CSF1R: variants seen among roughly 807,000 people sequenced by gnomAD.
CSF1R encodes the protein colony stimulating factor 1 receptor, also known as macrophage colony-stimulating factor 1 receptor.
In CSF1R, 40 loss-of-function variants were observed where a neutral mutation model predicts 110.0. The observed-to-expected ratio is 0.36, with a 90% CI of 0.28 to 0.47. CSF1R has a LOEUF of 0.47. Among genes scored for constraint, CSF1R ranks in the 20% least tolerant of loss-of-function variants. The probability of loss-of-function intolerance (pLI) is 0.99; values close to 1 mark genes in which losing one functional copy is unlikely to be tolerated. For synonymous variants in CSF1R, 523 were observed against 503.4 expected, an observed-to-expected ratio of 1.04 and a Z score of -0.52; for missense variants, 1,052 against 1,253.0, an observed-to-expected ratio of 0.84 and a Z score of 2.42.
intron 10 of CSF1R, among the ~76,000 whole-genome samples, chr5:150,066,214 G>A (rs957845558): frequency 8.5e-5 from 13 of 152,288 alleles, no homozygotes; most frequent in Admixed American, 7.8e-4. Context: ...ACAAGAGTGT[G>A]CAGCTCCCAT....
At chr5:150,066,592 T>C (rs547605097) in intron 10 of CSF1R, among the ~76,000 whole-genome samples, 1 of 152,310 alleles carries the variant, frequency 6.6e-6, no homozygotes, top group African/African-American at 2.4e-5. Context: ...TCCGGAGGTA[T>C]TGACCGGGGC....
chr5:150,080,708 GC>G (rs1758497761), intron 2 of CSF1R, 58 bp downstream of exon 2: 1 of 1,596,532 alleles, frequency 6.3e-7, no homozygotes, highest in Admixed American at 1.7e-5. Context: ...TAATTTTAGG[GC>G]CCATTGTAGT....
chr5:150,093,228 G>A (rs565000962), intron 1 of CSF1R, among the ~76,000 whole-genome samples: 245 of 152,188 alleles, frequency 1.6e-3, no homozygotes, highest in African/African-American at 5.7e-3. Context: ...ACAGACACCT[G>A]CCACCGTGTC....
chr5:150,086,805 TAGTC>T (rs1216994063), upstream of CSF1R, among the ~76,000 whole-genome samples: 2 of 152,130 alleles, frequency 1.3e-5, no homozygotes, highest in Non-Finnish European at 2.9e-5. Flanking sequence ...GCCAGACCGT[TAGTC>T]AGTAGCACAA....
intron 5 of CSF1R, among the ~76,000 whole-genome samples, chr5:150,075,541 A>G (rs1252310198): frequency 1.3e-5 from 2 of 152,260 alleles, no homozygotes; most frequent in Non-Finnish European, 2.9e-5. Flanking sequence ...TTGCTCAAAT[A>G]TCAGCTTTCT....
intron 10 of CSF1R, among the ~76,000 whole-genome samples, chr5:150,067,730 C>T (rs1757835605): frequency 6.6e-6 from 1 of 152,212 alleles, no homozygotes; most frequent in Admixed American, 6.5e-5. Context: ...TATCCATTTC[C>T]TCTGCCCCGT....
chr5:150,061,630 ACCAAAGGGCCTCTGTCCAAGGG>A, intron 11 of CSF1R, 35 bp from the exon 12 acceptor site: 1 of 1,613,960 alleles, frequency 6.2e-7, no homozygotes, highest in Non-Finnish European at 8.5e-7. Context: ...GTCCCTGGGC[ACCAAAGGGCCTCTGTCCAAGGG>A]CCCATGGGCT....
At chr5:150,077,526 T>A in intron 4 of CSF1R, 91 bp from the exon 5 acceptor site, 1 of 1,377,740 alleles carries the variant, frequency 7.3e-7, no homozygotes, top group Non-Finnish European at 1.0e-6. Context: ...AGGATTACTA[T>A]CTGCCTTTCC....
Position 150,079,955 on chromosome 5 carries a change from C to A in CSF1R, c.592+97G>T, listed in dbSNP as rs966544645. The A allele has an allele frequency of 3.6e-6, 5 of 1,400,678 alleles. No individual in the cohort carries two copies. In the African/African-American group the frequency reaches 4.3e-5, roughly 12 times the overall value. 86.8% of individuals were successfully genotyped at this position (1,400,678 alleles called of 1,614,324 possible). On this transcript the variant is annotated intron_variant, in intron 3 of 20. Coordinates refer to ENST00000675795, the MANE Select transcript of CSF1R (RefSeq NM_001288705.3). ...TGAAAGAAAGAGGACATCCCACTGC[C>A]CCCCATCACACCCAGTCCCCAGTCA...
intron 1 of CSF1R, among the ~76,000 whole-genome samples, chr5:150,109,580 A>G (rs183588137): frequency 1.2e-4 from 19 of 152,344 alleles, no homozygotes; most frequent in Admixed American, 7.2e-4. Flanking sequence ...ACTTTTCTCA[A>G]TAAACCAAAG....
chr5:150,073,722 T>C (rs1758131586), intron 5 of CSF1R, among the ~76,000 whole-genome samples: 1 of 152,182 alleles, frequency 6.6e-6, no homozygotes, highest in South Asian at 2.1e-4. Flanking sequence ...GGCAAATCCC[T>C]ATCCCCATTT....
At chr5:150,106,821 C>G (rs1759572418) in intron 1 of CSF1R, among the ~76,000 whole-genome samples, 1 of 152,216 alleles carries the variant, frequency 6.6e-6, no homozygotes, top group Admixed American at 6.5e-5. Context: ...ACTTCTGCTT[C>G]CACCTGGCCC....
chr5:150,094,258 T>C, intron 1 of CSF1R: 1 of 1,254,216 alleles, frequency 8.0e-7, no homozygotes, highest in Non-Finnish European at 1.1e-6. Context: ...TGGGTGTATA[T>C]GCACTTTAGA....
chr5:150,105,347 CAA>C (rs780403646), intron 1 of CSF1R, among the ~76,000 whole-genome samples: 1,212 of 76,472 alleles, frequency 0.016, 12 homozygotes, highest in South Asian at 0.023. Flanking sequence ...GACTCTGTCT[CAA>C]AAAAAAAAAA....
rs552233783 is a variant in CSF1R at position 150,095,142 on chromosome 5, C to A, written c.-180-8535G>T. The A allele has an allele frequency of 8.5e-5, 62 of 729,550 alleles. No individual in the cohort carries two copies. In the Admixed American group the frequency reaches 1.7e-3, roughly 20 times the overall value. 45.2% of individuals were successfully genotyped at this position (729,550 alleles called of 1,614,324 possible). ...AAAAAAAAAAAAAAAAAGAACAGAG[C>A]TTCAAACTACATGAAACAAAACTGA... On this transcript the variant is annotated intron_variant, in intron 1 of 21. Coordinates refer to the CSF1R transcript ENST00000286301.
chr5:150,057,667 C>T, intron 14 of CSF1R, 75 bp from the exon 15 acceptor site: 1 of 1,089,390 alleles, frequency 9.2e-7, no homozygotes. Flanking sequence ...CTTGACCACC[C>T]ACCACCCCAT....
chr5:150,081,113 A>C, intron 1 of CSF1R, 89 bp from the exon 2 acceptor site: 4 of 1,480,620 alleles, frequency 2.7e-6, no homozygotes, highest in Non-Finnish European at 3.7e-6. Flanking sequence ...GTAGCTTGGC[A>C]GGGATGGTGC....
chr5:150,100,290 C>CTTTTTTTTTTTTTTTTTTTTT lies in CSF1R; in HGVS notation c.-181+12950_-181+12970dup. Among the ~76,000 whole-genome samples the CTTTTTTTTTTTTTTTTTTTTT allele has an allele frequency of 2.2e-5, 2 of 89,348 alleles. 1 individual carries two copies. The highest frequency in any genetic ancestry group is 4.2e-5 in the Non-Finnish European group (2 of 48,176). 58.6% of individuals were successfully genotyped at this position (89,348 alleles called of 152,430 possible). On this transcript the variant is annotated intron_variant, in intron 1 of 21. Transcript: ENST00000286301. Reference sequence around the variant, plus strand: ...AGTGAACCTAAGATCATTGGCTAACCTTTTTTTTTTTTTTTTTTTTTTTCT... The same window carrying CTTTTTTTTTTTTTTTTTTTTT: ...AGTGAACCTAAGATCATTGGCTAACCTTTTTTTTTTTTTTTTTTTTTTTTTTTTTTTTTTTTTTTTTTTTCT...
chr5:150,062,079 C>T (rs1359550944), intron 10 of CSF1R, among the ~76,000 whole-genome samples: 1 of 152,112 alleles, frequency 6.6e-6, no homozygotes, highest in Non-Finnish European at 1.5e-5. Context: ...AAGCCTGTTT[C>T]ACTATTTGTG....
Sources: gnomAD v4.1 joint callset for allele counts (sites outside exome capture counted in the v4.1 genomes callset) on GRCh38, gnomAD v4.1.1 for gene constraint, MANE v1.5 for transcripts, NCBI Gene and HGNC (gene_info 2026-07-23, HGNC 2026-07-21) for gene names.